Variants in CFAP44 observed in about 807,000 individuals in gnomAD.
CFAP44 encodes cilia- and flagella-associated protein 44.
CFAP44 carries 134 observed loss-of-function variants against 216.2 expected under a neutral mutation model. The observed-to-expected ratio is 0.62, with a 90% CI of 0.54 to 0.72. CFAP44 has a LOEUF of 0.72. Among genes scored for constraint, CFAP44 ranks in the 30% least tolerant of loss-of-function variants. CFAP44 has a pLI of 0.00. For missense variants in CFAP44, 2,035 were observed against 2,182.1 expected (o/e 0.93, Z 1.34); for synonymous variants, 700 against 727.6 (o/e 0.96, Z 0.61).
At position 113,330,611 on chromosome 3, in the gene CFAP44, C is replaced by T. The variant is rs1009855041; in HGVS notation, c.3673G>A (p.Val1225Met). The T allele has an allele frequency of 6.5e-7, 1 of 1,537,254 alleles. No individual in the cohort carries two copies. Among genetic ancestry groups the T allele is most frequent in the Non-Finnish European group, 8.7e-7 (1 of 1,146,866 alleles). The change falls in exon 26 of 35, where the codon GTG becomes ATG. Residue 1225 changes from valine to methionine, a missense_variant. By Grantham distance (21) the Val-to-Met change is conservative. Transcript: ENST00000393845. ...CACTGTATTTCCTCAACAACAGCCA[C>T]TTTAAGGTCTCTAAGAGAGAGAATG... The part of the protein sequence containing the change: ...KCILSLRDLK[V>M]AVVEEIQCLV...
chr3:113,368,188 T>G (rs897814782), intron 18 of CFAP44, among the ~76,000 whole-genome samples: 1 of 152,164 alleles, frequency 6.6e-6, no homozygotes, highest in Admixed American at 6.5e-5. Flanking sequence ...CCAGGAGAAC[T>G]TCCCCAACCT....
intron 17 of CFAP44, among the ~76,000 whole-genome samples, chr3:113,374,508 A>G (rs1343805439): frequency 6.6e-6 from 1 of 152,112 alleles, no homozygotes; most frequent in Non-Finnish European, 1.5e-5. Context: ...AGTCTCATAG[A>G]CTTATGGAGA....
intron 18 of CFAP44, among the ~76,000 whole-genome samples, chr3:113,366,693 A>G (rs947437839): frequency 7.9e-5 from 12 of 152,166 alleles, no homozygotes; most frequent in African/African-American, 2.7e-4. Context: ...TATCTGATTC[A>G]TCTCATTGGG....
intron 11 of CFAP44, among the ~76,000 whole-genome samples, chr3:113,401,031 C>T (rs1302277450): frequency 6.6e-6 from 1 of 152,000 alleles, no homozygotes; most frequent in African/African-American, 2.4e-5. Context: ...TTGACACGGC[C>T]ACTTTTCTGG....
chr3:113,415,360 CCTT>C (rs1174888362), intron 6 of CFAP44, among the ~76,000 whole-genome samples: 3 of 151,834 alleles, frequency 2.0e-5, no homozygotes, highest in African/African-American at 7.3e-5. Context: ...GTCTCTATCT[CCTT>C]CTGTTCTTCT....
At chr3:113,310,557 C>T (rs1343551277) in intron 28 of CFAP44, among the ~76,000 whole-genome samples, 1 of 152,204 alleles carries the variant, frequency 6.6e-6, no homozygotes, top group Non-Finnish European at 1.5e-5. Flanking sequence ...TCTCATAATA[C>T]AACATGAAAG....
chr3:113,330,481 C>A lies in CFAP44; in HGVS notation c.3803G>T (p.Arg1268Ile), dbSNP rs1381373466. The change falls in exon 26 of 35, where the codon AGA becomes ATA. Residue 1268 changes from arginine to isoleucine, a missense_variant. By Grantham distance (97) the Arg-to-Ile change is moderately conservative. Coordinates refer to ENST00000393845, the MANE Select transcript of CFAP44 (RefSeq NM_001164496.2). ...GAGAGTTTCTTCATCATACTGAAAT[C>A]TCTTTTCTGGAACTTCTTCTGGGTG... ...QIHPEEVPEK[R>I]FQYDEETLLN... 8 of 1,537,188 alleles carry A rather than the reference C, an allele frequency of 5.2e-6. No individual in the cohort carries two copies. Among genetic ancestry groups the A allele is most frequent in the Non-Finnish European group, 6.1e-6 (7 of 1,146,894 alleles).
intron 4 of CFAP44, among the ~76,000 whole-genome samples, chr3:113,420,616 G>A (rs990059280): frequency 2.6e-5 from 4 of 152,180 alleles, no homozygotes; most frequent in Admixed American, 1.3e-4. Flanking sequence ...GAGAAAGTCT[G>A]TATCTTCATC....
chr3:113,351,693 C>T lies in CFAP44; in HGVS notation c.3066-6981G>A, dbSNP rs575010199. On this transcript the variant is annotated intron_variant, in intron 22 of 34. Coordinates refer to ENST00000393845, the MANE Select transcript of CFAP44 (RefSeq NM_001164496.2). Reference sequence around the variant, plus strand: ...GGAAAAGGCTTCTGAAATCAGACAACGCCTTTCAAACTCTCATACCAACCT... The same window carrying T: ...GGAAAAGGCTTCTGAAATCAGACAATGCCTTTCAAACTCTCATACCAACCT... 4.6e-5 allele frequency among the ~76,000 whole-genome samples: 7 copies of T among 152,310 alleles called. No homozygotes were observed. The South Asian group carries it at 6.2e-4, about 14-fold the overall frequency.
At chr3:113,333,665 C>A in intron 24 of CFAP44, 82 bp from the exon 25 acceptor site, 1 of 1,298,976 alleles carries the variant, frequency 7.7e-7, no homozygotes. Flanking sequence ...GGCATATATT[C>A]AAATTTAATC....
Position 113,291,360 on chromosome 3 carries a change from G to A in CFAP44, c.*197C>T, listed in dbSNP as rs559050185. The A allele has an allele frequency of 1.2e-5, 7 of 564,166 alleles. No homozygotes were observed. Among genetic ancestry groups the A allele is most frequent in the Non-Finnish European group, 2.2e-5 (7 of 325,486 alleles). 34.9% of individuals were successfully genotyped at this position (564,166 alleles called of 1,614,324 possible). On this transcript the variant is annotated 3_prime_UTR_variant, in exon 35 of 35. Coordinates refer to ENST00000393845, the MANE Select transcript of CFAP44 (RefSeq NM_001164496.2). ...TCTAAAATGATTCAGTTTCATAACA[G>A]AGGTTGGGTGCTGCAGTCAGTTCTA...
At chr3:113,412,283 A>T (rs1934504564) in intron 6 of CFAP44, among the ~76,000 whole-genome samples, 2 of 151,558 alleles carry the variant, frequency 1.3e-5, no homozygotes, top group Non-Finnish European at 2.9e-5. Flanking sequence ...AGCTTAATAA[A>T]CTTGTTTTCA....
chr3:113,370,308 G>A, intron 18 of CFAP44, among the ~76,000 whole-genome samples: 1 of 152,162 alleles, frequency 6.6e-6, no homozygotes, highest in Non-Finnish European at 1.5e-5. Flanking sequence ...TATCCCTGAT[G>A]AACATAGACA....
chr3:113,294,731 T>C lies in CFAP44; in HGVS notation c.5329A>G (p.Lys1777Glu). Residue 1777 changes from lysine (K) to glutamate (E), a missense_variant, in exon 34 of 35, where the codon AAG becomes GAG. Transcript: ENST00000393845. The stretch of plus-strand genomic sequence containing the variant: ...TTCAACCGAGAATCAAGTTTCTTCT[T>C]TTCAATACACAAATCATTCATCTGA... Reference protein sequence around the residue: ...LYQMNDLCIEKKKLDSRLNTL... With the variant: ...LYQMNDLCIEEKKLDSRLNTL... 6.5e-7 allele frequency: 1 copy of C among 1,536,520 alleles called. No homozygotes were observed. The highest frequency in any genetic ancestry group is 1.2e-5 in the South Asian group (1 of 83,764).
rs1417058732 is a variant in CFAP44, at chr3:113,403,853, C to T, written c.1169G>A (p.Arg390Lys). Residue 390 changes from arginine to lysine, a missense_variant and splice_region_variant, in exon 9 of 35, where the codon AGG (arginine) becomes AAG (lysine). Around this residue, in one of 3 missense-constraint regions of CFAP44, gnomAD observed 1,883 missense variants for 2,023.7 expected, o/e 0.93. Transcript: ENST00000393845. ...VITVGSDGYV[R>K]IWDFETIDTA... ...CATCCAAGTATCGAGAAAACTTACC[C>T]TAACATATCCATCTGACCCAACAGT... 6.2e-7 allele frequency: 1 copy of T among 1,611,896 alleles called. No homozygotes were observed. Among genetic ancestry groups the T allele is most frequent in the South Asian group, 1.1e-5 (1 of 90,606 alleles).
At chr3:113,294,541 A>G in intron 34 of CFAP44, 146 bp downstream of exon 34, 2 of 1,061,320 alleles carry the variant, frequency 1.9e-6, no homozygotes, top group East Asian at 2.7e-5. Flanking sequence ...ACACCAACTC[A>G]GTGTCCTCGG....
intron 22 of CFAP44, among the ~76,000 whole-genome samples, chr3:113,353,453 T>TACACAC (rs34714015): frequency 0.016 from 2,334 of 141,810 alleles, 30 homozygotes; most frequent in East Asian, 0.048. Flanking sequence ...TATGTATGAA[T>TACACAC]ACACACACAC....
chr3:113,415,822 G>T (rs968055178), intron 6 of CFAP44, among the ~76,000 whole-genome samples: 5 of 152,164 alleles, frequency 3.3e-5, no homozygotes, highest in African/African-American at 9.7e-5. Flanking sequence ...GCACTGAGAA[G>T]AATGTATATT....
rs113814729 is a variant in CFAP44, at chr3:113,376,693, G to C, written c.2298+2613C>G. Reference sequence around the variant, plus strand: ...TGAAGTGATGGAGATATCCCAACTGGAATGGGTTGAAGATCAAATAGGAGG... The same window carrying C: ...TGAAGTGATGGAGATATCCCAACTGCAATGGGTTGAAGATCAAATAGGAGG... On this transcript the variant is annotated intron_variant, in intron 17 of 34. Transcript: ENST00000393845. 1.9e-3 allele frequency among the ~76,000 whole-genome samples: 285 copies of C among 152,296 alleles called. 2 individuals carry two copies. The highest frequency in any genetic ancestry group is 5.6e-3 in the African/African-American group (232 of 41,558).
Sources: gnomAD v4.1 joint callset for allele counts (sites outside exome capture counted in the v4.1 genomes callset) on GRCh38, gnomAD v4.1.1 for gene constraint, gnomAD v4.1.1 regional missense constraint, MANE v1.5 for transcripts, NCBI Gene and HGNC (gene_info 2026-07-23, HGNC 2026-07-21) for gene names.